The following BORCS7 variants were observed in gnomAD, a reference collection of about 807,000 sequenced individuals.
BORCS7 encodes the protein BLOC-1-related complex subunit 7.
A neutral mutation model predicts 17.5 loss-of-function variants in BORCS7; 20 were observed. The observed-to-expected ratio is 1.14, with a 90% CI of 0.80 to 1.66. BORCS7 has a LOEUF of 1.66. Among genes scored for constraint, BORCS7 ranks in the 40% most tolerant of loss-of-function variants. The probability of loss-of-function intolerance (pLI) is 0.00; values close to 1 mark genes in which losing one functional copy is unlikely to be tolerated. For missense variants in BORCS7, 122 were observed against 129.7 expected, an observed-to-expected ratio of 0.94 and a Z score of 0.29; for synonymous variants, 57 against 49.8, an observed-to-expected ratio of 1.14 and a Z score of -0.61.
At chr10:102,858,512 T>C (rs1424036073) in intron 1 of BORCS7, among the ~76,000 whole-genome samples, 1 of 151,942 alleles carries the variant, frequency 6.6e-6, no homozygotes, top group Non-Finnish European at 1.5e-5. Context: ...TAGGTGAGCG[T>C]GGTGGCATGT....
Position 102,854,532 on chromosome 10 carries a change from A to C in BORCS7, c.141+105A>C, listed in dbSNP as rs576101338. The stretch of plus-strand genomic sequence containing the variant: ...GCATCTTGGGAATTGTAGGCTGTGA[A>C]GTACTTGCTATGAGTAGGTCTTCTT... On this transcript the variant is annotated intron_variant, in intron 1 of 4. Transcript: ENST00000339834. 99 of 1,356,538 alleles carry C rather than the reference A, an allele frequency of 7.3e-5. 1 individual carries two copies. In the South Asian group the frequency reaches 1.3e-3, roughly 18 times the overall value. The allele number at this position is 1,356,538 out of a possible 1,614,324, so 84.0% of individuals were successfully genotyped here.
chr10:102,859,544 T>A (rs1414313285), intron 1 of BORCS7, among the ~76,000 whole-genome samples: 1 of 149,956 alleles, frequency 6.7e-6, no homozygotes, highest in Admixed American at 6.7e-5. Flanking sequence ...CACCCCCCAC[T>A]GTTTCTCTTA....
chr10:102,860,271 G>A (rs2134099380), intron 1 of BORCS7, 61 bp from the exon 2 acceptor site: 2 of 1,449,352 alleles, frequency 1.4e-6, no homozygotes, highest in South Asian at 2.3e-5. Context: ...AACAGCTGCA[G>A]AGAGAAGATT....
rs113893609 is a variant in BORCS7, at chr10:102,860,779, C to T, written c.248+238C>T. 2.0e-5 allele frequency: 12 copies of T among 599,212 alleles called. 1 individual carries two copies. Among genetic ancestry groups the T allele is most frequent in the African/African-American group, 1.7e-4 (9 of 53,906 alleles). The allele number at this position is 599,212 out of a possible 1,614,324, so 37.1% of individuals were successfully genotyped here. A position where few individuals can be genotyped will look rare whatever the true frequency, so the allele number is the denominator to read the frequency against. ...GAACCTCCCCATGTTAAATTGAGGG[C>T]TCCTCAGAGAGAGACTATAAACCCT... is the stretch of plus-strand genomic sequence containing the variant. On this transcript the variant is annotated intron_variant, in intron 3 of 4. Transcript: ENST00000339834.
In BORCS7 at chr10:102,863,773, T is replaced by G. The variant is rs1344208747; in HGVS notation, c.*849T>G. On this transcript the variant is annotated 3_prime_UTR_variant, in exon 5 of 5. Transcript: ENST00000339834. Reference sequence around the variant, plus strand: ...TGTTTTATTTGTGATAGCAAATTCCTAAATGAACATTAGGCAAGTGGTATC... The same window carrying G: ...TGTTTTATTTGTGATAGCAAATTCCGAAATGAACATTAGGCAAGTGGTATC... 6.6e-6 allele frequency: 1 copy of G among 152,246 alleles called. No individual in the cohort carries two copies. The highest frequency in any genetic ancestry group is 1.5e-5 in the Non-Finnish European group (1 of 68,052). The allele number at this position is 152,246 out of a possible 1,614,324, so 9.4% of individuals were successfully genotyped here.
chr10:102,857,065 CAA>C (rs1044690033), intron 1 of BORCS7, among the ~76,000 whole-genome samples: 1 of 152,112 alleles, frequency 6.6e-6, no homozygotes, highest in African/African-American at 2.4e-5. Context: ...GAATTACACA[CAA>C]AGATGAATTC....
intron 1 of BORCS7, among the ~76,000 whole-genome samples, chr10:102,855,593 T>C (rs768503884): frequency 2.6e-5 from 4 of 152,228 alleles, no homozygotes; most frequent in Non-Finnish European, 5.9e-5. Flanking sequence ...CTGCTCTAGG[T>C]ACACGGAATA....
At chr10:102,854,544 G>A in intron 1 of BORCS7, 117 bp downstream of exon 1, 1 of 1,265,640 alleles carries the variant, frequency 7.9e-7, no homozygotes, top group East Asian at 2.6e-5. Context: ...TACTTGCTAT[G>A]AGTAGGTCTT....
rs117911645 is a variant in BORCS7 at position 102,856,319 on chromosome 10, G to A, written c.141+1892G>A. Among the ~76,000 whole-genome samples, 6 of 152,004 alleles carry A rather than the reference G, an allele frequency of 3.9e-5. No homozygotes were observed. In the East Asian group the frequency reaches 9.7e-4, roughly 24 times the overall value. On this transcript the variant is annotated intron_variant, in intron 1 of 4. Transcript: ENST00000339834. ...TGTAATCCTAACACTTTGGGAGGCCGAGGCAGGATTGCTTAAGCCCAGGGG... is the reference window on the plus strand; with the variant it reads ...TGTAATCCTAACACTTTGGGAGGCCAAGGCAGGATTGCTTAAGCCCAGGGG...
chr10:102,862,063 T>C, intron 3 of BORCS7, 97 bp from the exon 4 acceptor site: 1 of 1,171,840 alleles, frequency 8.5e-7, no homozygotes, highest in Non-Finnish European at 1.2e-6. Flanking sequence ...GGATGTGACA[T>C]AAGCTGAAAT....
At chr10:102,857,339 A>G (rs1041488971) in intron 1 of BORCS7, among the ~76,000 whole-genome samples, 6 of 152,210 alleles carry the variant, frequency 3.9e-5, no homozygotes, top group African/African-American at 1.2e-4. Flanking sequence ...TTAAATGAGT[A>G]AGTGAATGAA....
intron 1 of BORCS7, among the ~76,000 whole-genome samples, chr10:102,856,691 A>T (rs955301458): frequency 3.9e-5 from 6 of 152,356 alleles, no homozygotes; most frequent in Admixed American, 3.9e-4. Context: ...TGTATTCAAG[A>T]TGTTCTTCCA....
intron 1 of BORCS7, among the ~76,000 whole-genome samples, chr10:102,856,465 T>C (rs185815537): frequency 6.6e-6 from 1 of 152,126 alleles, no homozygotes; most frequent in East Asian, 1.9e-4. Context: ...TGCAACTACG[T>C]AATTTAATGA....
At chr10:102,857,229 G>T (rs1459550413) in intron 1 of BORCS7, among the ~76,000 whole-genome samples, 1 of 152,176 alleles carries the variant, frequency 6.6e-6, no homozygotes, top group African/African-American at 2.4e-5. Flanking sequence ...ATAAGGTGAT[G>T]TAAGTGCCTA....
chr10:102,855,610 A>G (rs901335767), intron 1 of BORCS7, among the ~76,000 whole-genome samples: 5 of 152,328 alleles, frequency 3.3e-5, no homozygotes, highest in African/African-American at 7.2e-5. Flanking sequence ...AATAAACAAA[A>G]CTAAATCCCT....
intron 1 of BORCS7, among the ~76,000 whole-genome samples, chr10:102,856,274 T>C (rs1013895268): frequency 2.6e-5 from 4 of 151,848 alleles, no homozygotes; most frequent in South Asian, 2.1e-4. Context: ...GTCTGTGGGC[T>C]GGGCGCAGTG....
chr10:102,862,043 C>A, intron 3 of BORCS7, 117 bp from the exon 4 acceptor site: 1 of 948,914 alleles, frequency 1.1e-6, no homozygotes, highest in South Asian at 1.6e-5. Context: ...ATAGGATGGA[C>A]AGAAATACAG....
intron 1 of BORCS7, among the ~76,000 whole-genome samples, chr10:102,858,361 T>C (rs1474674476): frequency 6.6e-6 from 1 of 151,662 alleles, no homozygotes; most frequent in Non-Finnish European, 1.5e-5. Context: ...AAAATAGTTA[T>C]GCATGGGGCT....
intron 4 of BORCS7, 122 bp downstream of exon 4, chr10:102,862,302 C>A: frequency 1.2e-6 from 1 of 857,338 alleles, no homozygotes; most frequent in Non-Finnish European, 1.9e-6. Flanking sequence ...TTGAAATATG[C>A]TCTGGGATAC....
Sources: gnomAD v4.1 joint callset for allele counts (sites outside exome capture counted in the v4.1 genomes callset) on GRCh38, gnomAD v4.1.1 for gene constraint, MANE v1.5 for transcripts, NCBI Gene and HGNC (gene_info 2026-07-23, HGNC 2026-07-21) for gene names.